CADM3: variants seen among roughly 807,000 people sequenced by gnomAD.
CADM3 encodes TSLC1-like 1.
CADM3 carries 11 observed loss-of-function variants against 44.9 expected under a neutral mutation model. That is an observed-to-expected ratio of 0.25 (90% CI 0.15 to 0.41). The LOEUF (loss-of-function observed/expected upper bound fraction) is 0.41, where lower values mean the gene tolerates loss of function less well. CADM3 is among the 10% of genes least tolerant of loss of function. CADM3 has a pLI of 1.00. For missense variants in CADM3, 426 were observed against 512.0 expected, an observed-to-expected ratio of 0.83 and a Z score of 1.62; for synonymous variants, 207 against 205.2, an observed-to-expected ratio of 1.01 and a Z score of -0.08.
chr1:159,184,116 A>G (rs1649333306), intron 1 of CADM3, among the ~76,000 whole-genome samples: 2 of 152,200 alleles, frequency 1.3e-5, no homozygotes, highest in Admixed American at 6.5e-5. Context: ...GCATAAAGAA[A>G]AGCTCCAGGG....
intron 1 of CADM3, among the ~76,000 whole-genome samples, chr1:159,187,798 T>C (rs566842390): frequency 6.6e-6 from 1 of 152,042 alleles, no homozygotes; most frequent in East Asian, 1.9e-4. Flanking sequence ...GGAAAAACAA[T>C]ATGAGCACTC....
chr1:159,189,851 C>G (rs1279987996), intron 1 of CADM3: 2 of 1,603,364 alleles, frequency 1.2e-6, no homozygotes, highest in Admixed American at 1.7e-5. Flanking sequence ...CTGGAGCAGC[C>G]CTGACATGCT....
In CADM3 at chr1:159,203,122, T is replaced by C. The variant is rs1287125338; in HGVS notation, c.*2200T>C. 1 of 152,360 alleles carries C rather than the reference T, an allele frequency of 6.6e-6. No individual in the cohort carries two copies. Among genetic ancestry groups the C allele is most frequent in the Non-Finnish European group, 1.5e-5 (1 of 68,126 alleles). 9.4% of individuals were successfully genotyped at this position (152,360 alleles called of 1,614,324 possible). A position where few individuals can be genotyped will look rare whatever the true frequency, so the allele number is the denominator to read the frequency against. Reference sequence around the variant, plus strand: ...CTAATCTCAGAGGGGTCACCCTCAATATATCTGGATTATCCGTGTCATTCA... The same window carrying C: ...CTAATCTCAGAGGGGTCACCCTCAACATATCTGGATTATCCGTGTCATTCA... On this transcript the variant is annotated 3_prime_UTR_variant, in exon 9 of 9. Transcript: ENST00000368125.
chr1:159,179,825 A>G (rs1309511488), intron 1 of CADM3, among the ~76,000 whole-genome samples: 1 of 152,054 alleles, frequency 6.6e-6, no homozygotes, highest in Non-Finnish European at 1.5e-5. Context: ...TTTGCCCAGC[A>G]AATGCAAAAA....
chr1:159,190,396 CT>C (rs1649606622), intron 1 of CADM3, among the ~76,000 whole-genome samples: 2 of 152,240 alleles, frequency 1.3e-5, no homozygotes, highest in South Asian at 2.1e-4. Context: ...TAAAGGGCAC[CT>C]TATTGAAAGA....
chr1:159,171,695 C>T lies in CADM3; in HGVS notation c.-71C>T, dbSNP rs1012523057. ...CTTTCGGTCAACATCGTAGTCCACC[C>T]CCTCCCCATCCCCAGCCCCCGGGGA... On this transcript the variant is annotated 5_prime_UTR_variant, in exon 1 of 9. Coordinates refer to ENST00000368125, the MANE Select transcript of CADM3 (RefSeq NM_001127173.3). The T allele has an allele frequency of 1.7e-5, 19 of 1,122,232 alleles. No individual in the cohort carries two copies. The highest frequency in any genetic ancestry group is 2.0e-5 in the Non-Finnish European group (18 of 888,462). The allele number at this position is 1,122,232 out of a possible 1,614,324, so 69.5% of individuals were successfully genotyped here. A position where few individuals can be genotyped will look rare whatever the true frequency, so the allele number is the denominator to read the frequency against.
chr1:159,174,458 T>A (rs1219244588), intron 1 of CADM3, among the ~76,000 whole-genome samples: 1 of 152,150 alleles, frequency 6.6e-6, no homozygotes. Context: ...ATGAGAGATG[T>A]GGTGGGAAGG....
At chr1:159,174,306 T>C (rs538533275) in intron 1 of CADM3, among the ~76,000 whole-genome samples, 40 of 152,328 alleles carry the variant, frequency 2.6e-4, no homozygotes, top group Admixed American at 7.8e-4. Flanking sequence ...ATAGATTTAA[T>C]GCTCACGGAC....
In CADM3 at chr1:159,193,808, T is replaced by A. The variant is rs772610641; in HGVS notation, c.521-62T>A. 6.4e-5 allele frequency: 101 copies of A among 1,589,718 alleles called. 1 individual carries two copies. The highest frequency in any genetic ancestry group is 8.3e-5 in the Non-Finnish European group (97 of 1,162,166). On this transcript the variant is annotated intron_variant, in intron 4 of 8. Coordinates refer to ENST00000368125, the MANE Select transcript of CADM3 (RefSeq NM_001127173.3). ...ATGAGGCCCACATGATATCTGTATGTTAGGTTTACTCTGTGTCTCTCTCTG... is the reference window on the plus strand; with the variant it reads ...ATGAGGCCCACATGATATCTGTATGATAGGTTTACTCTGTGTCTCTCTCTG...
intron 1 of CADM3, among the ~76,000 whole-genome samples, chr1:159,174,912 G>T (rs1166604390): frequency 1.3e-5 from 2 of 152,172 alleles, no homozygotes; most frequent in East Asian, 3.8e-4. Context: ...TTGGCCTAGG[G>T]TAAAGATAGA....
chr1:159,202,953 A>T lies in CADM3; in HGVS notation c.*2031A>T, dbSNP rs1650288511. 1.5e-5 allele frequency: 2 copies of T among 130,670 alleles called. No individual in the cohort carries two copies. Among genetic ancestry groups the T allele is most frequent in the Non-Finnish European group, 1.6e-5 (1 of 63,322 alleles). 8.1% of individuals were successfully genotyped at this position (130,670 alleles called of 1,614,324 possible). On this transcript the variant is annotated 3_prime_UTR_variant, in exon 9 of 9. Transcript: ENST00000368125. ...CTCTTCAAGCTGAACCACTCTGTCC[A>T]TATTACACAGAAGCCATATTTGTAC...
chr1:159,184,020 G>C (rs1649330312), intron 1 of CADM3, among the ~76,000 whole-genome samples: 1 of 152,174 alleles, frequency 6.6e-6, no homozygotes, highest in South Asian at 2.1e-4. Context: ...GAAGTTTTCA[G>C]CTAAATCAGA....
chr1:159,173,520 C>T lies in CADM3; in HGVS notation c.88+1667C>T, dbSNP rs35435269. ...AGACAGCAGCCTCTCCTTTCCCCTA[C>T]GTGGAATCCCCTTCCCCAGAGGACT... On this transcript the variant is annotated intron_variant, in intron 1 of 8. Transcript: ENST00000368125. Among the ~76,000 whole-genome samples, 426 of 152,222 alleles carry T rather than the reference C, an allele frequency of 2.8e-3. 10 individuals are homozygous for T. The highest frequency in any genetic ancestry group is 0.022 in the Admixed American group (333 of 15,300).
At chr1:159,179,558 C>T (rs1649150286) in intron 1 of CADM3, among the ~76,000 whole-genome samples, 1 of 152,214 alleles carries the variant, frequency 6.6e-6, no homozygotes, top group East Asian at 1.9e-4. Flanking sequence ...CTCCCAAATA[C>T]TGGCAAGGTA....
intron 1 of CADM3, among the ~76,000 whole-genome samples, chr1:159,178,163 G>C (rs1649097045): frequency 6.6e-6 from 1 of 152,180 alleles, no homozygotes. Context: ...GTCTATACAA[G>C]TTTAGTACTG....
chr1:159,179,641 T>C (rs1189944458), intron 1 of CADM3, among the ~76,000 whole-genome samples: 1 of 152,222 alleles, frequency 6.6e-6, no homozygotes, highest in Non-Finnish European at 1.5e-5. Context: ...ATTTTACTTT[T>C]ACCCTTCTAT....
intron 1 of CADM3, among the ~76,000 whole-genome samples, chr1:159,172,384 G>A (rs1648849864): frequency 1.3e-5 from 2 of 152,228 alleles, no homozygotes; most frequent in East Asian, 1.9e-4. Context: ...CACCACCCGC[G>A]GCGCAGCTCC....
Position 159,171,770 on chromosome 1 carries a change from G to C in CADM3, c.5G>C (p.Gly2Ala). 3 of 1,237,732 alleles carry C rather than the reference G, an allele frequency of 2.4e-6. No individual in the cohort carries two copies. Among genetic ancestry groups the C allele is most frequent in the Non-Finnish European group, 3.0e-6 (3 of 990,432 alleles). The allele number at this position is 1,237,732 out of a possible 1,614,324, so 76.7% of individuals were successfully genotyped here. Residue 2 changes from glycine (G) to alanine (A), a missense_variant, in exon 1 of 9, where the codon GGG becomes GCG. Gly to Ala is a moderately conservative substitution (Grantham distance 60). Around this residue, in one of 2 missense-constraint regions of CADM3, gnomAD observed 64 missense variants for 37.4 expected, o/e 1.71. Coordinates refer to ENST00000368125, the MANE Select transcript of CADM3 (RefSeq NM_001127173.3). Reference protein sequence around the residue: MGAPAASLLLLL... With the variant: MAAPAASLLLLL... ...GGGAGCCGGCCGGGAAGCGCGATGG[G>C]GGCCCCAGCCGCCTCGCTCCTGCTC...
chr1:159,178,160 C>A (rs533602952), intron 1 of CADM3, among the ~76,000 whole-genome samples: 44 of 152,300 alleles, frequency 2.9e-4, no homozygotes, highest in African/African-American at 8.7e-4. Flanking sequence ...AATGTCTATA[C>A]AAGTTTAGTA....
Sources: gnomAD v4.1 joint callset for allele counts (sites outside exome capture counted in the v4.1 genomes callset) on GRCh38, gnomAD v4.1.1 for gene constraint, gnomAD v4.1.1 regional missense constraint, MANE v1.5 for transcripts, NCBI Gene and HGNC (gene_info 2026-07-23, HGNC 2026-07-21) for gene names.